The following RPS6KA1 variants were observed in gnomAD, a reference collection of about 807,000 sequenced individuals.
RPS6KA1 encodes the protein ribosomal protein S6 kinase alpha-1.
RPS6KA1 carries 48 observed loss-of-function variants against 91.3 expected under a neutral mutation model. That is an observed-to-expected ratio of 0.53 (90% confidence interval 0.42 to 0.67). The LOEUF (loss-of-function observed/expected upper bound fraction) is 0.67, where lower values mean the gene tolerates loss of function less well. Among genes scored for constraint, RPS6KA1 ranks in the 30% least tolerant of loss-of-function variants. RPS6KA1 has a pLI of 0.00. For missense variants in RPS6KA1, 719 were observed against 960.5 expected, an observed-to-expected ratio of 0.75 and a Z score of 3.32; for synonymous variants, 359 against 384.7, an observed-to-expected ratio of 0.93 and a Z score of 0.78.
chr1:26,552,345 G>A (rs868068867), intron 6 of RPS6KA1, among the ~76,000 whole-genome samples: 4 of 120,902 alleles, frequency 3.3e-5, no homozygotes, highest in African/African-American at 1.0e-4. Flanking sequence ...CCAAGATCGC[G>A]CCACTGCACT....
In RPS6KA1 at chr1:26,555,320, C is replaced by T; in HGVS notation, c.827+99C>T. 1.7e-6 allele frequency: 2 copies of T among 1,195,928 alleles called. No homozygotes were observed. Among genetic ancestry groups the T allele is most frequent in the South Asian group, 1.3e-5 (1 of 75,202 alleles). 74.1% of individuals were successfully genotyped at this position (1,195,928 alleles called of 1,614,324 possible). ...TTACCCTGTCCCTGCCTCAGCTACC[C>T]TCTCTAATGAGACTCTCCTCTGGGT... On this transcript the variant is annotated intron_variant, in intron 10 of 21. Transcript: ENST00000374168. The surrounding 1 kb of genome is among the most constrained non-coding windows in gnomAD (Gnocchi z 4.3).
In RPS6KA1 at chr1:26,557,018, C is replaced by G. The variant is rs1223331310; in HGVS notation, c.1002C>G (p.Ile334Met). Residue 334 changes from isoleucine to methionine, a missense_variant, in exon 13 of 22, where the codon ATC becomes ATG. Physicochemically the swap from Ile to Met is conservative, Grantham distance 10. This residue lies in a region of RPS6KA1 where 228 missense variants were observed against 247.6 expected (regional missense o/e 0.92). Transcript: ENST00000374168. ...IDWNKLYRRE[I>M]KPPFKPAVAQ... ...TGCAGAAGCTATACCGTCGTGAGAT[C>G]AAGCCACCCTTCAAGCCAGCAGTGG... The G allele has an allele frequency of 2.5e-6, 4 of 1,614,094 alleles. No homozygotes were observed. The East Asian group carries it at 8.9e-5, about 36-fold the overall frequency.
intron 20 of RPS6KA1, 112 bp from the exon 21 acceptor site, chr1:26,573,112 T>G: frequency 8.7e-7 from 1 of 1,148,364 alleles, no homozygotes. Context: ...TCCCAGGGGC[T>G]GCCGCAAGGG....
intron 17 of RPS6KA1, among the ~76,000 whole-genome samples, chr1:26,566,183 GAA>G (rs1277004804): frequency 2.0e-5 from 3 of 151,762 alleles, no homozygotes; most frequent in Admixed American, 2.0e-4. Context: ...ACTCCCAACA[GAA>G]GTGTGTGAGA....
chr1:26,572,921 A>G (rs1014563589), intron 20 of RPS6KA1, among the ~76,000 whole-genome samples: 1 of 152,218 alleles, frequency 6.6e-6, no homozygotes, highest in African/African-American at 2.4e-5. Context: ...GCAGAAGGCA[A>G]GTTTTGAACC....
In RPS6KA1 at chr1:26,560,873, C is replaced by G. The variant is rs368628171; in HGVS notation, c.1341+22C>G. On this transcript the variant is annotated intron_variant, in intron 15 of 21. Coordinates refer to ENST00000374168, the MANE Select transcript of RPS6KA1 (RefSeq NM_002953.4). ...CAAGGTGGGCCTCCTGACCACGTCT[C>G]GGCCAAGGCTGCTGGGTTGGGGGCA... 8 of 1,614,024 alleles carry G rather than the reference C, an allele frequency of 5.0e-6. No individual in the cohort carries two copies. The African/African-American group carries it at 1.1e-4, about 22-fold the overall frequency.
rs1557505586 is a variant in RPS6KA1, at chr1:26,557,014, A to C, written c.998A>C (p.Glu333Ala). 6.2e-7 allele frequency: 1 copy of C among 1,614,006 alleles called. No individual in the cohort carries two copies. The highest frequency in any genetic ancestry group is 2.2e-5 in the East Asian group (1 of 44,882). ...ACTGTGCAGAAGCTATACCGTCGTG[A>C]GATCAAGCCACCCTTCAAGCCAGCA... ...TIDWNKLYRREIKPPFKPAVA... is the reference protein window; with the variant it reads ...TIDWNKLYRRAIKPPFKPAVA... Residue 333 changes from glutamate (E) to alanine (A), a missense_variant, in exon 13 of 22, where the codon GAG becomes GCG. Physicochemically the swap from Glu to Ala is moderately radical, Grantham distance 107. Around this residue, in one of 5 missense-constraint regions of RPS6KA1, gnomAD observed 228 missense variants for 247.6 expected, o/e 0.92. Transcript: ENST00000374168.
intron 11 of RPS6KA1, chr1:26,556,120 G>A (rs983757241): frequency 1.9e-4 from 38 of 204,234 alleles, no homozygotes; most frequent in Non-Finnish European, 3.1e-4. Context: ...CTTGCTTCAG[G>A]GCTCTGTTGA....
At chr1:26,530,621 C>T in intron 1 of RPS6KA1, 1 of 489,734 alleles carries the variant, frequency 2.0e-6, no homozygotes, top group African/African-American at 2.0e-5. Context: ...CCTGGCAGGG[C>T]GTGGGGGGAC....
Position 26,574,381 on chromosome 1 carries a change from G to T in RPS6KA1, c.*180G>T, listed in dbSNP as rs768457197. Reference sequence around the variant, plus strand: ...AAGTGCCTTCTCCTTCCCCAGGATGGACTCTTCTCGGCTCAGGCTCTGCTG... The same window carrying T: ...AAGTGCCTTCTCCTTCCCCAGGATGTACTCTTCTCGGCTCAGGCTCTGCTG... On this transcript the variant is annotated 3_prime_UTR_variant, in exon 22 of 22. Transcript: ENST00000374168. The surrounding 1 kb of genome is among the most constrained non-coding windows in gnomAD (Gnocchi z 4.3). The T allele has an allele frequency of 6.1e-6, 5 of 814,556 alleles. No individual in the cohort carries two copies. The South Asian group carries it at 6.8e-5, about 11-fold the overall frequency. The allele number at this position is 814,556 out of a possible 1,614,324, so 50.5% of individuals were successfully genotyped here. A position where few individuals can be genotyped will look rare whatever the true frequency, so the allele number is the denominator to read the frequency against.
intron 4 of RPS6KA1, among the ~76,000 whole-genome samples, chr1:26,548,705 A>C (rs888703447): frequency 6.6e-6 from 1 of 152,024 alleles, no homozygotes; most frequent in Non-Finnish European, 1.5e-5. Context: ...AGGTTGAGGC[A>C]CAAGAATTGC....
intron 2 of RPS6KA1, among the ~76,000 whole-genome samples, chr1:26,538,999 A>G (rs550226353): frequency 6.6e-6 from 1 of 152,314 alleles, no homozygotes. Flanking sequence ...AGGGCCTAAA[A>G]TGAAGTCAAT....
intron 21 of RPS6KA1, 81 bp from the exon 22 acceptor site, chr1:26,573,998 G>T (rs1383959012): frequency 1.1e-5 from 16 of 1,507,036 alleles, no homozygotes; most frequent in African/African-American, 5.6e-5. Context: ...ACTGAGAGGG[G>T]CTGGCCTACC....
rs1570449139 is a variant in RPS6KA1 at position 26,558,688 on chromosome 1, T to C, written c.1085-119T>C. On this transcript the variant is annotated intron_variant, in intron 13 of 21. Coordinates refer to ENST00000374168, the MANE Select transcript of RPS6KA1 (RefSeq NM_002953.4). This position sits in a 1 kb window ranked among gnomAD's most constrained non-coding sequence, Gnocchi z 4.0. ...TGTGATGGACAGGCCCTCTGCAGGC[T>C]CCCGCCACGGCCAGCCCCTGAGGCA... is the stretch of plus-strand genomic sequence containing the variant. 1 of 1,215,296 alleles carries C rather than the reference T, an allele frequency of 8.2e-7. No homozygotes were observed. The allele number at this position is 1,215,296 out of a possible 1,614,324, so 75.3% of individuals were successfully genotyped here.
chr1:26,563,680 G>A (rs2076174233), intron 17 of RPS6KA1, among the ~76,000 whole-genome samples: 1 of 152,150 alleles, frequency 6.6e-6, no homozygotes, highest in African/African-American at 2.4e-5. Flanking sequence ...TGAGTTCTGT[G>A]GAATGTCTCA....
chr1:26,568,627 G>A (rs974962713), intron 17 of RPS6KA1, among the ~76,000 whole-genome samples: 14 of 152,170 alleles, frequency 9.2e-5, no homozygotes, highest in African/African-American at 2.7e-4. Flanking sequence ...GCAGATGCCT[G>A]TAATACCAGC....
In RPS6KA1 at chr1:26,574,209, G is replaced by A. The variant is rs750889813; in HGVS notation, c.*8G>A. The A allele has an allele frequency of 6.2e-7, 1 of 1,614,034 alleles. No individual in the cohort carries two copies. The highest frequency in any genetic ancestry group is 8.5e-7 in the Non-Finnish European group (1 of 1,180,004). ...CCATCCACCACCCTGTGAGGCACCAGGGCATTCGGGCCACAGGGCGGTGCT... is the reference window on the plus strand; with the variant it reads ...CCATCCACCACCCTGTGAGGCACCAAGGCATTCGGGCCACAGGGCGGTGCT... On this transcript the variant is annotated 3_prime_UTR_variant, in exon 22 of 22. Transcript: ENST00000374168. This position sits in a 1 kb window ranked among gnomAD's most constrained non-coding sequence, Gnocchi z 4.3.
chr1:26,543,945 G>A (rs887566369), intron 2 of RPS6KA1: 5 of 400,412 alleles, frequency 1.2e-5, no homozygotes, highest in Non-Finnish European at 2.0e-5. Context: ...TCCCCCTCAG[G>A]TCTTGGCATA....
In RPS6KA1 at chr1:26,571,414, C is replaced by G; in HGVS notation, c.1591-35C>G. On this transcript the variant is annotated intron_variant, in intron 17 of 21. Transcript: ENST00000374168. This position sits in a 1 kb window ranked among gnomAD's most constrained non-coding sequence, Gnocchi z 5.1. ...TGACCTGGGCCACTAGCCACCTCCC[C>G]ACACTGAGAACTGACCCCAGCCCCC... 6.2e-7 allele frequency: 1 copy of G among 1,610,234 alleles called. No homozygotes were observed. The highest frequency in any genetic ancestry group is 8.5e-7 in the Non-Finnish European group (1 of 1,177,110).
Sources: gnomAD v4.1 joint callset for allele counts (sites outside exome capture counted in the v4.1 genomes callset) on GRCh38, gnomAD v4.1.1 for gene constraint, gnomAD v4.1.1 regional missense constraint, Gnocchi (gnomAD v3.1) non-coding constraint, MANE v1.5 for transcripts, NCBI Gene and HGNC (gene_info 2026-07-23, HGNC 2026-07-21) for gene names.